GTPBP4: variants seen among roughly 807,000 people sequenced by gnomAD.
GTPBP4 encodes GTP-binding protein 4.
In GTPBP4, 15 loss-of-function variants were observed where a neutral mutation model predicts 81.7. That is an observed-to-expected ratio of 0.18 (90% CI 0.12 to 0.28). GTPBP4 has a LOEUF of 0.28. Ranked by LOEUF, GTPBP4 falls within the 10% of genes least tolerant of loss-of-function variation. The pLI, the probability that GTPBP4 is intolerant of heterozygous loss-of-function variation, is 1.00. For missense variants in GTPBP4, 847 were observed against 793.8 expected, an observed-to-expected ratio of 1.07 and a Z score of -0.81; for synonymous variants, 272 against 274.6, an observed-to-expected ratio of 0.99 and a Z score of 0.09.
intron 12 of GTPBP4, 97 bp from the exon 13 acceptor site, chr10:1,010,323 T>A: frequency 1.5e-6 from 1 of 689,372 alleles, no homozygotes; most frequent in Non-Finnish European, 2.6e-6. Context: ...TGCAGTGGAG[T>A]CGTTGATTTG....
chr10:1,015,709 A>C (rs36172393), intron 15 of GTPBP4, 44 bp from the exon 16 acceptor site: 1 of 505,502 alleles, frequency 2.0e-6, no homozygotes, highest in African/African-American at 5.0e-5. Context: ...CTGGGAGTGG[A>C]CCTGGGGTCC....
intron 6 of GTPBP4, among the ~76,000 whole-genome samples, chr10:1,000,138 T>C (rs1831600012): frequency 6.6e-6 from 1 of 152,100 alleles, no homozygotes; most frequent in African/African-American, 2.4e-5. Context: ...AGCATTTCTT[T>C]GAGCTCTACA....
chr10:1,004,860 A>G (rs1247326277), intron 8 of GTPBP4, among the ~76,000 whole-genome samples: 1 of 152,134 alleles, frequency 6.6e-6, no homozygotes, highest in Non-Finnish European at 1.5e-5. Context: ...ACTTCCCCTG[A>G]GCAAGACATA....
At chr10:990,040 T>C (rs1055942029) in intron 1 of GTPBP4, among the ~76,000 whole-genome samples, 2 of 152,144 alleles carry the variant, frequency 1.3e-5, no homozygotes, top group African/African-American at 2.4e-5. Context: ...CCCAGCCAGA[T>C]TGTAGTATTT....
chr10:1,003,013 C>T (rs1251193885), intron 8 of GTPBP4, among the ~76,000 whole-genome samples: 1 of 152,212 alleles, frequency 6.6e-6, no homozygotes, highest in Non-Finnish European at 1.5e-5. Context: ...AGCCTTTTCC[C>T]TTCTCTTCTC....
rs61731090 is a variant in GTPBP4 at position 1,012,647 on chromosome 10, G to T, written c.1527G>T (p.Pro509=). ...KEKNTQGPRM[P]RTAKKVQRTV... is the part of the protein sequence containing the mutation. The stretch of plus-strand genomic sequence containing the variant: ...AGAATACACAGGGACCCAGGATGCC[G>T]CGAACTGCTAAGAAGGCAAGTTTGT... Residue 509 remains proline (P), a synonymous_variant, in exon 14 of 17, where the codon CCG becomes CCT. Coordinates refer to ENST00000360803, the MANE Select transcript of GTPBP4 (RefSeq NM_012341.3). The T allele has an allele frequency of 6.2e-7, 1 of 1,612,012 alleles. No homozygotes were observed.
At chr10:993,918 C>T (rs1831494129) in intron 2 of GTPBP4, among the ~76,000 whole-genome samples, 1 of 151,786 alleles carries the variant, frequency 6.6e-6, no homozygotes, top group Non-Finnish European at 1.5e-5. Context: ...CGCCACCACG[C>T]CCGGCTAGTT....
intron 11 of GTPBP4, 34 bp downstream of exon 11, chr10:1,009,069 T>C: frequency 6.7e-7 from 1 of 1,483,202 alleles, no homozygotes; most frequent in East Asian, 2.3e-5. Context: ...AGTGTTCTCA[T>C]GGGGGGAGGC....
intron 8 of GTPBP4, among the ~76,000 whole-genome samples, chr10:1,004,038 A>G (rs1303249090): frequency 1.3e-5 from 2 of 152,004 alleles, no homozygotes; most frequent in African/African-American, 4.8e-5. Flanking sequence ...CTGTGGCTCC[A>G]CCCGTGGGGT....
intron 4 of GTPBP4, chr10:996,651 A>T (rs924262417): frequency 6.3e-6 from 1 of 158,108 alleles, no homozygotes; most frequent in African/African-American, 2.4e-5. Context: ...TACATGACAA[A>T]TTATTTTGAC....
intron 16 of GTPBP4, 84 bp from the exon 17 acceptor site, chr10:1,016,991 A>G: frequency 8.9e-7 from 1 of 1,118,366 alleles, no homozygotes; most frequent in South Asian, 1.5e-5. Context: ...GCCATTAAAC[A>G]GATTGTTACC....
chr10:1,005,934 AG>A, intron 9 of GTPBP4, 27 bp downstream of exon 9: 1 of 1,148,332 alleles, frequency 8.7e-7, no homozygotes, highest in Non-Finnish European at 1.3e-6. Context: ...GTCAGGTATT[AG>A]TCTTTTTACT....
chr10:1,007,346 TGTTA>T (rs1347932154), intron 10 of GTPBP4: 1 of 463,790 alleles, frequency 2.2e-6, no homozygotes, highest in Non-Finnish European at 3.9e-6. Flanking sequence ...ACGTGGTCAC[TGTTA>T]GTTTATCCTT....
At chr10:1,003,796 G>C (rs1016689310) in intron 8 of GTPBP4, among the ~76,000 whole-genome samples, 1 of 152,188 alleles carries the variant, frequency 6.6e-6, no homozygotes, top group African/African-American at 2.4e-5. Flanking sequence ...CGCAATGGGG[G>C]ACTTATCTGA....
In GTPBP4 at chr10:1,019,634, A is replaced by G. The variant is rs1554817769; in HGVS notation, c.*2407A>G. ...TTAGCCAGGGGGTGACTTTGACTTCACCCCTCGCCTCCCTCTCCAGCAGCT... is the reference window on the plus strand; with the variant it reads ...TTAGCCAGGGGGTGACTTTGACTTCGCCCCTCGCCTCCCTCTCCAGCAGCT... On this transcript the variant is annotated 3_prime_UTR_variant, in exon 17 of 17. Coordinates refer to ENST00000360803, the MANE Select transcript of GTPBP4 (RefSeq NM_012341.3). The G allele has an allele frequency of 6.2e-7, 1 of 1,613,616 alleles. No individual in the cohort carries two copies. Among genetic ancestry groups the G allele is most frequent in the Non-Finnish European group, 8.5e-7 (1 of 1,179,950 alleles).
At position 1,017,202 on chromosome 10, in the gene GTPBP4, A is replaced by G. The variant is rs767955555; in HGVS notation, c.1880A>G (p.Lys627Arg). Residue 627 changes from lysine (K) to arginine (R), a missense_variant, in exon 17 of 17, where the codon AAA (lysine) becomes AGA (arginine). Coordinates refer to ENST00000360803, the MANE Select transcript of GTPBP4 (RefSeq NM_012341.3). ...KPKHLLSGKR[K>R]AGKKDRR ...AAGCACTTGCTGTCTGGGAAGAGGA[A>G]AGCTGGTAAAAAGGACAGGAGATAG... is the stretch of plus-strand genomic sequence containing the variant. The G allele has an allele frequency of 5.0e-6, 8 of 1,614,108 alleles. No individual in the cohort carries two copies. In the South Asian group the frequency reaches 7.7e-5, roughly 16 times the overall value.
At chr10:1,008,699 A>G (rs1831795906) in intron 10 of GTPBP4, among the ~76,000 whole-genome samples, 1 of 152,088 alleles carries the variant, frequency 6.6e-6, no homozygotes, top group African/African-American at 2.4e-5. Context: ...CTTTGGAATC[A>G]CTTTGTGGAG....
At chr10:996,632 G>A (rs1228087758) in intron 4 of GTPBP4, 1 of 160,524 alleles carries the variant, frequency 6.2e-6, no homozygotes, top group Non-Finnish European at 1.4e-5. Flanking sequence ...TGCTTATTGT[G>A]TGTATTCTTA....
intron 4 of GTPBP4, 28 bp from the exon 5 acceptor site, chr10:997,180 T>C (rs771677689): frequency 7.7e-7 from 1 of 1,296,082 alleles, no homozygotes; most frequent in South Asian, 1.2e-5. Context: ...TTTGAATTTC[T>C]TAATTTTTCA....
Sources: gnomAD v4.1 joint callset for allele counts (sites outside exome capture counted in the v4.1 genomes callset) on GRCh38, gnomAD v4.1.1 for gene constraint, MANE v1.5 for transcripts, NCBI Gene and HGNC (gene_info 2026-07-23, HGNC 2026-07-21) for gene names.